Variants in KIF4B observed in about 807,000 individuals in gnomAD.
The protein encoded by KIF4B is kinesin family member 4B.
KIF4B carries 60 observed loss-of-function variants against 69.0 expected under a neutral mutation model. The observed-to-expected ratio is 0.87, with a 90% CI of 0.71 to 1.08. The LOEUF (loss-of-function observed/expected upper bound fraction) is 1.08, where lower values mean the gene tolerates loss of function less well. Ranked by LOEUF, KIF4B falls within the 50% of genes least tolerant of loss-of-function variation. The pLI, the probability that KIF4B is intolerant of heterozygous loss-of-function variation, is 0.00. For missense variants in KIF4B, 1,357 were observed against 1,451.9 expected (o/e 0.93, Z 1.06); for synonymous variants, 489 against 533.0 (o/e 0.92, Z 1.14).
In KIF4B at chr5:155,016,871, A is replaced by G; in HGVS notation, c.3012A>G (p.Lys1004=). The G allele has an allele frequency of 1.2e-6, 2 of 1,614,162 alleles. No individual in the cohort carries two copies. The highest frequency in any genetic ancestry group is 1.1e-5 in the South Asian group (1 of 91,076). ...TCCTCCAGGTAGCCAGCAGACAGAA[A>G]CATCTTCCTAATGATACCCTTCTAT... ...LILLQVASRQ[K]HLPNDTLLSP... The change falls in exon 1 of 1, where the codon AAA becomes AAG. Residue 1004 remains lysine (K), a synonymous_variant. Coordinates refer to ENST00000435029, the MANE Select transcript of KIF4B (RefSeq NM_001099293.3).
Position 155,016,193 on chromosome 5 carries a change from G to A in KIF4B, c.2334G>A (p.Val778=). The change falls in exon 1 of 1, where the codon GTG becomes GTA. Residue 778 remains valine (V), a synonymous_variant. Transcript: ENST00000435029. The part of the protein sequence containing the change: ...LEDRKILAQD[V]VQLKEKKESR... ...ACAGAAAGATCCTGGCTCAGGATGT[G>A]GTTCAACTCAAAGAAAAAAAGGAAT... 1 of 1,614,128 alleles carries A rather than the reference G, an allele frequency of 6.2e-7. No individual in the cohort carries two copies. The highest frequency in any genetic ancestry group is 8.5e-7 in the Non-Finnish European group (1 of 1,180,016).
At position 155,016,153 on chromosome 5, in the gene KIF4B, A is replaced by G; in HGVS notation, c.2294A>G (p.Asn765Ser). 1 of 1,614,210 alleles carries G rather than the reference A, an allele frequency of 6.2e-7. No individual in the cohort carries two copies. Among genetic ancestry groups the G allele is most frequent in the East Asian group, 2.2e-5 (1 of 44,880 alleles). ...ACTGAGGAAGCCAAACGCCATCTGAATGACCTCCTTGAAGACAGAAAGATC... is the reference window on the plus strand; with the variant it reads ...ACTGAGGAAGCCAAACGCCATCTGAGTGACCTCCTTGAAGACAGAAAGATC... ...VSTEEAKRHL[N>S]DLLEDRKILA... The change falls in exon 1 of 1, where the codon AAT (asparagine) becomes AGT (serine). Residue 765 changes from asparagine to serine, a missense_variant. Transcript: ENST00000435029.
In KIF4B at chr5:155,015,253, T is replaced by C. The variant is rs1198934383; in HGVS notation, c.1394T>C (p.Ile465Thr). Reference sequence around the variant, plus strand: ...CAGGAATTGAAAGAAAATGTAGAGATAATTTGTAACCTGCAGCAACTGATT... The same window carrying C: ...CAGGAATTGAAAGAAAATGTAGAGACAATTTGTAACCTGCAGCAACTGATT... ...EDQELKENVEIICNLQQLITQ... is the reference protein window; with the variant it reads ...EDQELKENVETICNLQQLITQ... Residue 465 changes from isoleucine (I) to threonine (T), a missense_variant, in exon 1 of 1, where the codon ATA (isoleucine) becomes ACA (threonine). Ile to Thr is a moderately conservative substitution (Grantham distance 89). Coordinates refer to ENST00000435029, the MANE Select transcript of KIF4B (RefSeq NM_001099293.3). 3 of 1,614,186 alleles carry C rather than the reference T, an allele frequency of 1.9e-6. No homozygotes were observed. Among genetic ancestry groups the C allele is most frequent in the African/African-American group, 1.3e-5 (1 of 75,044 alleles).
rs781582777 is a variant in KIF4B, at chr5:155,015,370, C to A, written c.1511C>A (p.Thr504Lys). Residue 504 changes from threonine to lysine, a missense_variant, in exon 1 of 1, where the codon ACA (threonine) becomes AAA (lysine). Transcript: ENST00000435029. ...EEAQVETSPE[T>K]SRSSDAFTTQ... ...GCTCAAGTGGAAACCAGTCCAGAGACAAGCAGGTCTTCTGACGCTTTTACC... is the reference window on the plus strand; with the variant it reads ...GCTCAAGTGGAAACCAGTCCAGAGAAAAGCAGGTCTTCTGACGCTTTTACC... The A allele has an allele frequency of 4.3e-6, 7 of 1,614,092 alleles. No individual in the cohort carries two copies. In the African/African-American group the frequency reaches 8.0e-5, roughly 18 times the overall value.
chr5:155,016,024 G>C lies in KIF4B; in HGVS notation c.2165G>C (p.Arg722Pro). 6.2e-7 allele frequency: 1 copy of C among 1,614,136 alleles called. No individual in the cohort carries two copies. Residue 722 changes from arginine (R) to proline (P), a missense_variant, in exon 1 of 1, where the codon CGA becomes CCA. Arg to Pro is a moderately radical substitution (Grantham distance 103). Coordinates refer to ENST00000435029, the MANE Select transcript of KIF4B (RefSeq NM_001099293.3). ...CTCAAGGATGCTCTCCAGAAACAAC[G>C]AGAGGTCACAGATAAGCGGAAAGAG... ...KRLKDALQKQ[R>P]EVTDKRKETQ... is the part of the protein sequence containing the mutation.
rs749497192 is a variant in KIF4B, at chr5:155,015,312, G to A, written c.1453G>A (p.Ala485Thr). 1 of 1,614,170 alleles carries A rather than the reference G, an allele frequency of 6.2e-7. No individual in the cohort carries two copies. Among genetic ancestry groups the A allele is most frequent in the East Asian group, 2.2e-5 (1 of 44,884 alleles). Residue 485 changes from alanine (A) to threonine (T), a missense_variant, in exon 1 of 1, where the codon GCT becomes ACT. Coordinates refer to ENST00000435029, the MANE Select transcript of KIF4B (RefSeq NM_001099293.3). ...QLSDETVACT[A>T]AAIDTAVEEE... ...ATCAGATGAAACTGTTGCTTGCACG[G>A]CTGCAGCCATTGATACTGCGGTAGA... is the stretch of plus-strand genomic sequence containing the variant.
rs1183724316 is a variant in KIF4B at position 155,017,260 on chromosome 5, A to G, written c.3401A>G (p.Gln1134Arg). ...AAGGATAGCTTGGGCACTGTTGAAC[A>G]GACCCAGGATTCCGAAGGCTCCTTC... The part of the protein sequence containing the change: ...QGKDSLGTVE[Q>R]TQDSEGSFKL... Residue 1134 changes from glutamine (Q) to arginine (R), a missense_variant, in exon 1 of 1, where the codon CAG becomes CGG. By Grantham distance (43) the Gln-to-Arg change is conservative (BLOSUM62 1). Transcript: ENST00000435029. The G allele has an allele frequency of 6.2e-7, 1 of 1,614,216 alleles. No homozygotes were observed.
rs1350617668 is a variant in KIF4B at position 155,016,102 on chromosome 5, G to T, written c.2243G>T (p.Gly748Val). Residue 748 changes from glycine (G) to valine (V), a missense_variant, in exon 1 of 1, where the codon GGA (glycine) becomes GTA (valine). By Grantham distance (109) the Gly-to-Val change is moderately radical (BLOSUM62 -3). Coordinates refer to ENST00000435029, the MANE Select transcript of KIF4B (RefSeq NM_001099293.3). ...GIAARVRNWL[G>V]NEIEVMVSTE... is the part of the protein sequence containing the mutation. ...GCAGCTCGAGTGAGGAATTGGCTTGGAAATGAAATTGAGGTTATGGTCAGT... is the reference window on the plus strand; with the variant it reads ...GCAGCTCGAGTGAGGAATTGGCTTGTAAATGAAATTGAGGTTATGGTCAGT... The T allele has an allele frequency of 6.2e-7, 1 of 1,614,212 alleles. No homozygotes were observed. The highest frequency in any genetic ancestry group is 1.1e-5 in the South Asian group (1 of 91,084).
rs1765305823 is a variant in KIF4B at position 155,015,320 on chromosome 5, CA to C, written c.1462del (p.Ile488LeufsTer5). 6.2e-7 allele frequency: 1 copy of C among 1,614,176 alleles called. No individual in the cohort carries two copies. ...AAACTGTTGCTTGCACGGCTGCAGCCATTGATACTGCGGTAGAAGAAGAAGC... is the reference window on the plus strand; with the variant it reads ...AAACTGTTGCTTGCACGGCTGCAGCCTTGATACTGCGGTAGAAGAAGAAGC... ...DETVACTAAA[I>X]DTAVEEEAQV... On this transcript the variant is annotated frameshift_variant, in exon 1 of 1. Transcript: ENST00000435029. LOFTEE classifies it high-confidence loss of function.
Position 155,014,957 on chromosome 5 carries a change from A to G in KIF4B, c.1098A>G (p.Leu366=). The change falls in exon 1 of 1, where the codon CTA becomes CTG. Residue 366 remains leucine (L), a synonymous_variant. Coordinates refer to ENST00000435029, the MANE Select transcript of KIF4B (RefSeq NM_001099293.3). ...TACAACAGCTACAAGTCTTGTTGCT[A>G]CAAGCCCATGGAGGTACCCTGCCTG... is the stretch of plus-strand genomic sequence containing the variant. The part of the protein sequence containing the change: ...QQVQQLQVLL[L]QAHGGTLPGS... The G allele has an allele frequency of 6.2e-7, 1 of 1,614,256 alleles. No homozygotes were observed. The highest frequency in any genetic ancestry group is 8.5e-7 in the Non-Finnish European group (1 of 1,180,038).
At position 155,017,370 on chromosome 5, in the gene KIF4B, G is replaced by T. The variant is rs1180120250; in HGVS notation, c.3511G>T (p.Glu1171Ter). 1.9e-6 allele frequency: 3 copies of T among 1,614,200 alleles called. No homozygotes were observed. The East Asian group carries it at 6.7e-5, about 36-fold the overall frequency. ...CATPNSKILK[E>*]MCDMEQVLSK... ...CACCCCCAATAGCAAGATCCTGAAA[G>T]AGATGTGTGACATGGAGCAGGTGCT... Residue 1171 changes from glutamate (E) to a stop codon, truncating the protein, a stop_gained, in exon 1 of 1, where the codon GAG (glutamate) becomes TAG (stop). Transcript: ENST00000435029. LOFTEE classifies it low-confidence loss of function (END_TRUNC).
In KIF4B at chr5:155,015,590, A is replaced by T; in HGVS notation, c.1731A>T (p.Glu577Asp). Residue 577 changes from glutamate (E) to aspartate (D), a missense_variant, in exon 1 of 1, where the codon GAA (glutamate) becomes GAT (aspartate). Glu to Asp is a conservative substitution (Grantham distance 45). Transcript: ENST00000435029. ...EVINLQKEKE[E>D]LVRELQTAKK... ...TCAATCTGCAAAAGGAAAAGGAAGAATTGGTTCGTGAACTTCAGACAGCAA... is the reference window on the plus strand; with the variant it reads ...TCAATCTGCAAAAGGAAAAGGAAGATTTGGTTCGTGAACTTCAGACAGCAA... The T allele has an allele frequency of 1.2e-6, 2 of 1,614,232 alleles. No individual in the cohort carries two copies. The highest frequency in any genetic ancestry group is 1.1e-5 in the South Asian group (1 of 91,082).
chr5:155,015,522 T>G lies in KIF4B; in HGVS notation c.1663T>G (p.Phe555Val). ...QNDNQLQPIQ[F>V]QYQDNIKNLE... is the part of the protein sequence containing the mutation. ...CGACAACCAACTACAGCCCATTCAGTTTCAATACCAGGATAACATAAAAAA... is the reference window on the plus strand; with the variant it reads ...CGACAACCAACTACAGCCCATTCAGGTTCAATACCAGGATAACATAAAAAA... Residue 555 changes from phenylalanine to valine, a missense_variant, in exon 1 of 1, where the codon TTT (phenylalanine) becomes GTT (valine). Transcript: ENST00000435029. 6.2e-7 allele frequency: 1 copy of G among 1,614,122 alleles called. No individual in the cohort carries two copies. The highest frequency in any genetic ancestry group is 1.1e-5 in the South Asian group (1 of 91,074).
At position 155,016,004 on chromosome 5, in the gene KIF4B, G is replaced by T. The variant is rs774770009; in HGVS notation, c.2145G>T (p.Lys715Asn). 3 of 1,614,166 alleles carry T rather than the reference G, an allele frequency of 1.9e-6. No homozygotes were observed. Among genetic ancestry groups the T allele is most frequent in the Non-Finnish European group, 2.5e-6 (3 of 1,180,030 alleles). ...CAGCAGCTGCCAACAAGCGACTCAA[G>T]GATGCTCTCCAGAAACAACGAGAGG... Reference protein sequence around the residue: ...EEAAAANKRLKDALQKQREVT... With the variant: ...EEAAAANKRLNDALQKQREVT... Residue 715 changes from lysine to asparagine, a missense_variant, in exon 1 of 1, where the codon AAG (lysine) becomes AAT (asparagine). Coordinates refer to ENST00000435029, the MANE Select transcript of KIF4B (RefSeq NM_001099293.3).
chr5:155,017,334 C>A lies in KIF4B; in HGVS notation c.3475C>A (p.Pro1159Thr). Residue 1159 changes from proline to threonine, a missense_variant, in exon 1 of 1, where the codon CCT becomes ACT. By Grantham distance (38) the Pro-to-Thr change is conservative. Coordinates refer to ENST00000435029, the MANE Select transcript of KIF4B (RefSeq NM_001099293.3). ...EVTPGLSFFN[P>T]VCATPNSKIL... ...GACCCCAGGATTGAGCTTCTTTAAC[C>A]CTGTCTGTGCCACCCCCAATAGCAA... 6.2e-7 allele frequency: 1 copy of A among 1,614,152 alleles called. No homozygotes were observed. Among genetic ancestry groups the A allele is most frequent in the Non-Finnish European group, 8.5e-7 (1 of 1,180,024 alleles).
In KIF4B at chr5:155,016,708, A is replaced by G; in HGVS notation, c.2849A>G (p.Lys950Arg). 1 of 1,614,204 alleles carries G rather than the reference A, an allele frequency of 6.2e-7. No homozygotes were observed. ...ESQMAEKQLE[K>R]SASEKEQQLV... is the part of the protein sequence containing the mutation. ...CAAATGGCAGAGAAGCAGTTAGAGA[A>G]ATCAGCCAGTGAAAAGGAACAACAG... is the stretch of plus-strand genomic sequence containing the variant. The change falls in exon 1 of 1, where the codon AAA (lysine) becomes AGA (arginine). Residue 950 changes from lysine to arginine, a missense_variant. Coordinates refer to ENST00000435029, the MANE Select transcript of KIF4B (RefSeq NM_001099293.3).
rs376096815 is a variant in KIF4B at position 155,016,277 on chromosome 5, T to C, written c.2418T>C (p.His806=). The C allele has an allele frequency of 3.9e-5, 63 of 1,614,074 alleles. No individual in the cohort carries two copies. The highest frequency in any genetic ancestry group is 5.2e-5 in the Non-Finnish European group (61 of 1,180,034). The change falls in exon 1 of 1, where the codon CAT becomes CAC. Residue 806 remains histidine, a synonymous_variant. Transcript: ENST00000435029. ...GTACATTCTCCCTTTCTGAGGTGCA[T>C]GGTCAAGTTTTGGAGTCAGAAGATT... ...RKCTFSLSEV[H]GQVLESEDCI...
At position 155,017,043 on chromosome 5, in the gene KIF4B, G is replaced by A. The variant is rs1765343579; in HGVS notation, c.3184G>A (p.Gly1062Ser). The A allele has an allele frequency of 6.2e-7, 1 of 1,614,054 alleles. No individual in the cohort carries two copies. Among genetic ancestry groups the A allele is most frequent in the African/African-American group, 1.3e-5 (1 of 74,922 alleles). Residue 1062 changes from glycine (G) to serine (S), a missense_variant, in exon 1 of 1, where the codon GGC becomes AGC. Gly to Ser is a moderately conservative substitution (Grantham distance 56). Transcript: ENST00000435029. ...TGAGCATGAAGATGGTGATGGTGAT[G>A]GCGACAGTGATGAGGGGGATGATGA... Reference protein sequence around the residue: ...VNEHEDGDGDGDSDEGDDEEW... With the variant: ...VNEHEDGDGDSDSDEGDDEEW...
chr5:155,016,367 C>A lies in KIF4B; in HGVS notation c.2508C>A (p.Asp836Glu). ...AACTCAGGAGTGCTCAGATTGCTGA[C>A]CTACAGCAGAAGCTGCTGGATGCAG... ...EMELRSAQIA[D>E]LQQKLLDAES... The change falls in exon 1 of 1, where the codon GAC (aspartate) becomes GAA (glutamate). Residue 836 changes from aspartate to glutamate, a missense_variant. Physicochemically the swap from Asp to Glu is conservative, Grantham distance 45 (BLOSUM62 2). Transcript: ENST00000435029. The A allele has an allele frequency of 6.2e-7, 1 of 1,612,942 alleles. No homozygotes were observed. Among genetic ancestry groups the A allele is most frequent in the Non-Finnish European group, 8.5e-7 (1 of 1,178,924 alleles).
Sources: gnomAD v4.1 joint callset for allele counts on GRCh38, gnomAD v4.1.1 for gene constraint, MANE v1.5 for transcripts, NCBI Gene and HGNC (gene_info 2026-07-23, HGNC 2026-07-21) for gene names.